Variants in SLC7A14 observed in about 807,000 individuals in gnomAD.
SLC7A14 encodes the protein solute carrier family 7 member 14, also known as gamma-aminobutyric acid transporter SLC7A14.
In SLC7A14, 37 loss-of-function variants were observed where a neutral mutation model predicts 60.2. The ratio of observed to expected loss-of-function variants is 0.61; its 90% CI spans 0.47 to 0.81. The LOEUF (loss-of-function observed/expected upper bound fraction) is 0.81, where lower values mean the gene tolerates loss of function less well. Ranked by LOEUF, SLC7A14 falls within the 30% of genes least tolerant of loss-of-function variation. The pLI is 0.00. For missense variants in SLC7A14, 886 were observed against 982.7 expected, an observed-to-expected ratio of 0.90 and a Z score of 1.32; for synonymous variants, 399 against 395.8, an observed-to-expected ratio of 1.01 and a Z score of -0.10.
intron 2 of SLC7A14, among the ~76,000 whole-genome samples, chr3:170,505,782 G>A (rs1419545266): frequency 6.6e-6 from 1 of 152,092 alleles, no homozygotes; most frequent in Non-Finnish European, 1.5e-5. Flanking sequence ...CAGCTACTCT[G>A]GAGGCTGGGG....
intron 1 of SLC7A14, among the ~76,000 whole-genome samples, chr3:170,544,447 G>A (rs973003036): frequency 1.3e-5 from 2 of 152,148 alleles, no homozygotes; most frequent in African/African-American, 4.8e-5. Context: ...GCTTAAACAA[G>A]CCTAGATAAT....
At chr3:170,575,061 CTAGAT>C (rs1715053918) in intron 1 of SLC7A14, among the ~76,000 whole-genome samples, 1 of 152,130 alleles carries the variant, frequency 6.6e-6, no homozygotes. Flanking sequence ...TATACAGAGA[CTAGAT>C]TAATTTGGCT....
chr3:170,551,476 G>A (rs1714350420), intron 1 of SLC7A14, among the ~76,000 whole-genome samples: 1 of 152,108 alleles, frequency 6.6e-6, no homozygotes, highest in Admixed American at 6.5e-5. Context: ...AGGAACTGCT[G>A]GACTGTGTTC....
intron 7 of SLC7A14, among the ~76,000 whole-genome samples, chr3:170,470,091 G>T (rs2108263287): frequency 6.6e-6 from 1 of 152,270 alleles, no homozygotes; most frequent in South Asian, 2.1e-4. Context: ...TTTTACAGAA[G>T]AAGAAACAGA....
intron 1 of SLC7A14, among the ~76,000 whole-genome samples, chr3:170,546,283 G>A (rs1714179302): frequency 6.6e-6 from 1 of 152,172 alleles, no homozygotes; most frequent in South Asian, 2.1e-4. Flanking sequence ...TTGGAAAGCA[G>A]GTTGATAAAT....
At chr3:170,509,139 A>C (rs1028379663) in intron 2 of SLC7A14, among the ~76,000 whole-genome samples, 13 of 152,096 alleles carry the variant, frequency 8.5e-5, no homozygotes, top group African/African-American at 3.1e-4. Context: ...AACCTCGGTC[A>C]CTCCATCACC....
At chr3:170,546,866 T>G (rs1321702521) in intron 1 of SLC7A14, among the ~76,000 whole-genome samples, 1 of 152,168 alleles carries the variant, frequency 6.6e-6, no homozygotes, top group Non-Finnish European at 1.5e-5. Flanking sequence ...CACATGCAGG[T>G]AGATGATGGA....
At chr3:170,496,121 G>C (rs1712384650) in intron 4 of SLC7A14, 1 of 1,011,270 alleles carries the variant, frequency 9.9e-7, no homozygotes, top group Non-Finnish European at 1.6e-6. Context: ...TGCATGAAGA[G>C]GAGATCCAGG....
intron 2 of SLC7A14, among the ~76,000 whole-genome samples, chr3:170,514,534 G>C (rs1247809947): frequency 6.6e-6 from 1 of 152,198 alleles, no homozygotes; most frequent in East Asian, 1.9e-4. Flanking sequence ...TATACATATT[G>C]ATTTACTTGT....
At chr3:170,539,783 T>G (rs1316509186) in intron 1 of SLC7A14, among the ~76,000 whole-genome samples, 3 of 152,230 alleles carry the variant, frequency 2.0e-5, no homozygotes, top group African/African-American at 4.8e-5. Context: ...CAGTAGATGC[T>G]TGAAACTGCA....
chr3:170,577,436 G>C (rs1715122880), intron 1 of SLC7A14, among the ~76,000 whole-genome samples: 1 of 151,192 alleles, frequency 6.6e-6, no homozygotes, highest in African/African-American at 2.4e-5. Flanking sequence ...GGCTAACAAG[G>C]TGAAACCCCG....
At chr3:170,576,843 T>A (rs559453891) in intron 1 of SLC7A14, among the ~76,000 whole-genome samples, 1 of 152,318 alleles carries the variant, frequency 6.6e-6, no homozygotes, top group South Asian at 2.1e-4. Flanking sequence ...TCCTCCAGTA[T>A]CTGTGACAAT....
intron 1 of SLC7A14, among the ~76,000 whole-genome samples, chr3:170,549,695 G>C (rs917958546): frequency 6.6e-6 from 1 of 152,212 alleles, no homozygotes; most frequent in African/African-American, 2.4e-5. Flanking sequence ...TGCTTGAACA[G>C]TGACACGAAG....
At chr3:170,577,307 C>T (rs528950102) in intron 1 of SLC7A14, among the ~76,000 whole-genome samples, 1 of 152,280 alleles carries the variant, frequency 6.6e-6, no homozygotes, top group East Asian at 1.9e-4. Context: ...CATCCCGCTC[C>T]CCACAGAGTA....
chr3:170,493,701 A>G (rs1712294404), intron 4 of SLC7A14, among the ~76,000 whole-genome samples: 1 of 152,198 alleles, frequency 6.6e-6, no homozygotes, highest in Non-Finnish European at 1.5e-5. Context: ...CTTAAAAAAT[A>G]GGGTCTAAAT....
intron 1 of SLC7A14, among the ~76,000 whole-genome samples, chr3:170,569,809 T>C (rs980343380): frequency 6.6e-6 from 1 of 152,214 alleles, no homozygotes; most frequent in Non-Finnish European, 1.5e-5. Context: ...GAGGTGTTTG[T>C]AGTATTCTCT....
chr3:170,557,522 A>C (rs1016696000), intron 1 of SLC7A14, among the ~76,000 whole-genome samples: 1 of 152,158 alleles, frequency 6.6e-6, no homozygotes, highest in African/African-American at 2.4e-5. Flanking sequence ...TTAGCTTGTG[A>C]AGTGAAAATA....
chr3:170,516,299 G>A (rs1441745010), intron 2 of SLC7A14, among the ~76,000 whole-genome samples: 1 of 152,152 alleles, frequency 6.6e-6, no homozygotes, highest in Non-Finnish European at 1.5e-5. Flanking sequence ...TCATCTTCAT[G>A]ACCTGACTTA....
At position 170,484,908 on chromosome 3, in the gene SLC7A14, A is replaced by G. The variant is rs79902778; in HGVS notation, c.906+1314T>C. Among the ~76,000 whole-genome samples, 710 of 152,244 alleles carry G rather than the reference A, an allele frequency of 4.7e-3. 11 individuals are homozygous for G. The East Asian group carries it at 0.052, about 11-fold the overall frequency. On this transcript the variant is annotated intron_variant, in intron 5 of 7. Transcript: ENST00000231706. The stretch of plus-strand genomic sequence containing the variant: ...AGCTTCAGGGAGTCTCCTGAGTTAG[A>G]TCAGGATGGGTAAAAAGTTGGTGGA...
Sources: gnomAD v4.1 joint callset for allele counts (sites outside exome capture counted in the v4.1 genomes callset) on GRCh38, gnomAD v4.1.1 for gene constraint, MANE v1.5 for transcripts, NCBI Gene and HGNC (gene_info 2026-07-23, HGNC 2026-07-21) for gene names.